Variants in PRKCH observed in about 807,000 individuals in gnomAD.
The protein encoded by PRKCH is protein kinase C eta type.
A neutral mutation model predicts 82.5 loss-of-function variants in PRKCH; 28 were observed. That is an observed-to-expected ratio of 0.34 (90% CI 0.25 to 0.47). The LOEUF (loss-of-function observed/expected upper bound fraction) is 0.47, where lower values mean the gene tolerates loss of function less well. Ranked by LOEUF, PRKCH falls within the 20% of genes least tolerant of loss-of-function variation. The pLI, the probability that PRKCH is intolerant of heterozygous loss-of-function variation, is 1.00. For missense variants in PRKCH, 705 were observed against 881.8 expected, an observed-to-expected ratio of 0.80 and a Z score of 2.54; for synonymous variants, 322 against 327.4, an observed-to-expected ratio of 0.98 and a Z score of 0.18.
chr14:61,206,601 A>G (rs758433129), intron 1 of PRKCH, among the ~76,000 whole-genome samples: 6 of 152,192 alleles, frequency 3.9e-5, no homozygotes, highest in Non-Finnish European at 8.8e-5. Context: ...GAGTACTCAG[A>G]CTTCCATGTC....
intron 2 of PRKCH, among the ~76,000 whole-genome samples, chr14:61,421,747 C>T (rs1882845099): frequency 6.6e-6 from 1 of 152,170 alleles, no homozygotes; most frequent in Non-Finnish European, 1.5e-5. Flanking sequence ...TTGGTGATAT[C>T]CCCTAACCCC....
chr14:61,415,498 A>G (rs936123733), intron 2 of PRKCH, among the ~76,000 whole-genome samples: 3 of 152,156 alleles, frequency 2.0e-5, no homozygotes, highest in Non-Finnish European at 4.4e-5. Flanking sequence ...AAGGATGAAG[A>G]TATGTAATCA....
At chr14:61,207,106 CAAAAAAAAAAAA>C (rs71114196) in intron 1 of PRKCH, among the ~76,000 whole-genome samples, 9 of 49,158 alleles carry the variant, frequency 1.8e-4, no homozygotes, top group South Asian at 1.2e-3. Flanking sequence ...AACTCCATCT[CAAAAAAAAAAAA>C]AAAAAAAAAA....
At chr14:61,463,360 G>C (rs1885112547) in intron 9 of PRKCH, 1 of 152,046 alleles carries the variant, frequency 6.6e-6, no homozygotes. Context: ...ACATTGAGAA[G>C]GTAAGTATTT....
At chr14:61,246,367 C>T (rs1264515258) in intron 1 of PRKCH, among the ~76,000 whole-genome samples, 3 of 151,174 alleles carry the variant, frequency 2.0e-5, no homozygotes, top group Non-Finnish European at 4.4e-5. Flanking sequence ...AAGATCGACC[C>T]ACTGCACTCC....
chr14:61,548,261 C>T (rs979959388), intron 13 of PRKCH, among the ~76,000 whole-genome samples: 3 of 147,216 alleles, frequency 2.0e-5, no homozygotes, highest in Admixed American at 6.6e-5. Context: ...CTTTTTGTGC[C>T]TTTTCTAAGC....
chr14:61,355,209 T>C (rs979321656), intron 1 of PRKCH, among the ~76,000 whole-genome samples: 1 of 152,356 alleles, frequency 6.6e-6, no homozygotes. Context: ...GAAATGGGCT[T>C]GTCTTATTTT....
intron 7 of PRKCH, 48 bp from the exon 8 acceptor site, chr14:61,457,128 C>G (rs1256164063): frequency 1.3e-6 from 2 of 1,599,456 alleles, no homozygotes; most frequent in Middle Eastern, 1.7e-4. Flanking sequence ...CATGGGTGCT[C>G]CATGCTTCTG....
intron 2 of PRKCH, among the ~76,000 whole-genome samples, chr14:61,402,048 A>G (rs1215444050): frequency 1.3e-5 from 2 of 152,366 alleles, no homozygotes; most frequent in African/African-American, 2.4e-5. Context: ...GAAAGTTTAT[A>G]TCCACCATTG....
At chr14:61,298,474 G>C (rs986959868) in intron 1 of PRKCH, 5 of 152,110 alleles carry the variant, frequency 3.3e-5, no homozygotes, top group African/African-American at 1.2e-4. Flanking sequence ...GAAGAGCCAG[G>C]ATTTGGAACC....
At chr14:61,208,716 G>A (rs2044546534) in intron 1 of PRKCH, among the ~76,000 whole-genome samples, 1 of 152,126 alleles carries the variant, frequency 6.6e-6, no homozygotes, top group East Asian at 1.9e-4. Flanking sequence ...AACAACGATT[G>A]ATAAAGTAAA....
chr14:61,355,774 G>A (rs951053651), intron 1 of PRKCH, among the ~76,000 whole-genome samples: 2 of 152,120 alleles, frequency 1.3e-5, no homozygotes, highest in Non-Finnish European at 1.5e-5. Context: ...GTATTGCTAC[G>A]TTGTGATTTA....
At chr14:61,255,582 A>G (rs913838194) in intron 1 of PRKCH, among the ~76,000 whole-genome samples, 1 of 152,230 alleles carries the variant, frequency 6.6e-6, no homozygotes, top group African/African-American at 2.4e-5. Context: ...GATTAAAATA[A>G]TAATAATACT....
intron 1 of PRKCH, among the ~76,000 whole-genome samples, chr14:61,295,038 T>A (rs1054544180): frequency 6.6e-6 from 1 of 152,120 alleles, no homozygotes; most frequent in Non-Finnish European, 1.5e-5. Flanking sequence ...GCTAATTTTT[T>A]ATATTTTTAG....
intron 1 of PRKCH, among the ~76,000 whole-genome samples, chr14:61,370,058 C>G (rs1048680184): frequency 6.6e-6 from 1 of 151,898 alleles, no homozygotes; most frequent in East Asian, 1.9e-4. Flanking sequence ...ATTCTCCTGT[C>G]TCAGCCTCCC....
chr14:61,445,787 A>T, intron 4 of PRKCH, 61 bp downstream of exon 4: 2 of 1,500,676 alleles, frequency 1.3e-6, no homozygotes, highest in Non-Finnish European at 1.9e-6. Flanking sequence ...AAATGATTAT[A>T]CCAAGAGAAA....
intron 10 of PRKCH, among the ~76,000 whole-genome samples, chr14:61,497,847 A>C (rs1033667061): frequency 6.6e-6 from 1 of 152,160 alleles, no homozygotes; most frequent in Non-Finnish European, 1.5e-5. Flanking sequence ...TCATCCCATC[A>C]GTCAGTTTTA....
chr14:61,431,123 A>C (rs1038691268), intron 2 of PRKCH, among the ~76,000 whole-genome samples: 1 of 152,188 alleles, frequency 6.6e-6, no homozygotes, highest in Non-Finnish European at 1.5e-5. Context: ...TAAGAGACAA[A>C]ATGGTGGAGT....
intron 1 of PRKCH, among the ~76,000 whole-genome samples, chr14:61,309,112 G>A (rs1238231284): frequency 1.3e-5 from 2 of 151,808 alleles, no homozygotes; most frequent in East Asian, 1.9e-4. Flanking sequence ...CCGAGACCCC[G>A]CCTCTACAGA....
Sources: gnomAD v4.1 joint callset for allele counts (sites outside exome capture counted in the v4.1 genomes callset) on GRCh38, gnomAD v4.1.1 for gene constraint, MANE v1.5 for transcripts, NCBI Gene and HGNC (gene_info 2026-07-23, HGNC 2026-07-21) for gene names.